RBFOX1: variants seen among roughly 807,000 people sequenced by gnomAD.
The protein encoded by RBFOX1 is RNA binding protein fox-1 homolog 1.
RBFOX1 carries 8 observed loss-of-function variants against 57.7 expected under a neutral mutation model. That is an observed-to-expected ratio of 0.14 (90% CI 0.08 to 0.25). The LOEUF (loss-of-function observed/expected upper bound fraction) is 0.25, where lower values mean the gene tolerates loss of function less well. Ranked by LOEUF, RBFOX1 falls within the 10% of genes least tolerant of loss-of-function variation. RBFOX1 has a pLI of 1.00. For missense variants in RBFOX1, 611 were observed against 548.5 expected, an observed-to-expected ratio of 1.11 and a Z score of -1.14; for synonymous variants, 326 against 222.4, an observed-to-expected ratio of 1.47 and a Z score of -4.15.
At chr16:7,446,883 G>A (rs1391412965) in intron 4 of RBFOX1, among the ~76,000 whole-genome samples, 1 of 127,750 alleles carries the variant, frequency 7.8e-6, no homozygotes, top group Non-Finnish European at 1.6e-5. Flanking sequence ...TGTGATCTCG[G>A]CTCACTGCAA....
At chr16:6,872,267 T>G (rs765613946) in intron 3 of RBFOX1, among the ~76,000 whole-genome samples, 1 of 152,170 alleles carries the variant, frequency 6.6e-6, no homozygotes, top group Non-Finnish European at 1.5e-5. Context: ...ATAAAACACA[T>G]CTATCCAGTT....
At chr16:6,074,512 C>T (rs1262523898) in intron 1 of RBFOX1, among the ~76,000 whole-genome samples, 11 of 152,082 alleles carry the variant, frequency 7.2e-5, no homozygotes, top group Non-Finnish European at 4.4e-5. Flanking sequence ...GTGAAGGAAC[C>T]AAATATCTAT....
At chr16:6,379,216 G>A (rs1314959687) in intron 2 of RBFOX1, among the ~76,000 whole-genome samples, 2 of 152,128 alleles carry the variant, frequency 1.3e-5, no homozygotes, top group East Asian at 3.9e-4. Flanking sequence ...GCTGAGATTT[G>A]CAGGTCTGCA....
intron 3 of RBFOX1, chr16:6,704,260 C>A (rs899491317): frequency 6.6e-6 from 1 of 152,216 alleles, no homozygotes; most frequent in African/African-American, 2.4e-5. Context: ...GCAAATTGAA[C>A]AGCCAGTCCC....
chr16:6,212,013 C>T (rs185214403), intron 1 of RBFOX1, among the ~76,000 whole-genome samples: 29 of 152,054 alleles, frequency 1.9e-4, no homozygotes, highest in Admixed American at 1.8e-3. Context: ...CCATGCCTGG[C>T]TAAGTTTTTG....
chr16:7,688,510 T>G (rs1302758664), intron 14 of RBFOX1, among the ~76,000 whole-genome samples: 2 of 152,070 alleles, frequency 1.3e-5, no homozygotes, highest in African/African-American at 2.4e-5. Flanking sequence ...TAGCATCTCA[T>G]GTCCCCTCCA....
chr16:5,507,775 A>G (rs1461847389), intron 2 of RBFOX1, among the ~76,000 whole-genome samples: 2 of 152,196 alleles, frequency 1.3e-5, no homozygotes, highest in South Asian at 2.1e-4. Flanking sequence ...CAGAGGTGGG[A>G]GAGGTGCAGC....
Position 5,676,200 on chromosome 16 carries a change from A to G in RBFOX1, c.318+77239A>G, listed in dbSNP as rs114992663. Among the ~76,000 whole-genome samples, 1,273 of 152,158 alleles carry G rather than the reference A, an allele frequency of 8.4e-3. 14 individuals are homozygous for G. Among genetic ancestry groups the G allele is most frequent in the African/African-American group, 0.028 (1,178 of 41,504 alleles). ...TGTAGCAAACCACCATGGCACATGT[A>G]TACCTATGCGACAAACCTGCACGTT... On this transcript the variant is annotated intron_variant, in intron 3 of 19. Transcript: ENST00000641259.
At chr16:6,177,768 C>T (rs986163777) in intron 1 of RBFOX1, among the ~76,000 whole-genome samples, 2 of 152,148 alleles carry the variant, frequency 1.3e-5, no homozygotes, top group Admixed American at 6.6e-5. Flanking sequence ...AGCACGCAGT[C>T]GGTTAAGGAG....
At chr16:6,977,791 G>C (rs895738310) in intron 3 of RBFOX1, among the ~76,000 whole-genome samples, 1 of 152,004 alleles carries the variant, frequency 6.6e-6, no homozygotes, top group Admixed American at 6.5e-5. Context: ...ATCTTATCCC[G>C]TAGTCAGTGT....
At chr16:5,700,543 G>A (rs552567467) in intron 3 of RBFOX1, among the ~76,000 whole-genome samples, 1 of 152,088 alleles carries the variant, frequency 6.6e-6, no homozygotes, top group Non-Finnish European at 1.5e-5. Flanking sequence ...AATTCTTTTG[G>A]TTATGCAGTT....
At chr16:6,679,135 A>T (rs1251278435) in intron 3 of RBFOX1, among the ~76,000 whole-genome samples, 1 of 152,134 alleles carries the variant, frequency 6.6e-6, no homozygotes. Context: ...CCAGAATTTC[A>T]CAACTGAGGA....
chr16:6,765,494 C>G (rs796656499), intron 3 of RBFOX1, among the ~76,000 whole-genome samples: 4 of 151,946 alleles, frequency 2.6e-5, no homozygotes, highest in African/African-American at 9.6e-5. Context: ...GTTTATATAA[C>G]AAACCTGCAC....
At position 5,946,951 on chromosome 16, in the gene RBFOX1, G is replaced by C. The variant is rs13336140; in HGVS notation, c.351+79616G>C. On this transcript the variant is annotated intron_variant, in intron 4 of 19. Transcript: ENST00000641259. The surrounding 1 kb of genome is among the most constrained non-coding windows in gnomAD (Gnocchi z 4.6). The stretch of plus-strand genomic sequence containing the variant: ...AGAAAGGCCAGAGCAGTGGCTCACA[G>C]CCGTAATCCTAGCACTTAGGGAGGC... Among the ~76,000 whole-genome samples the C allele has an allele frequency of 0.2, 30,866 of 152,072 alleles. 4,849 individuals carry two copies. Among genetic ancestry groups the C allele is most frequent in the East Asian group, 0.85 (4,377 of 5,166 alleles).
At chr16:6,557,038 T>TATATAC (rs1555548812) in intron 2 of RBFOX1, among the ~76,000 whole-genome samples, 3 of 129,562 alleles carry the variant, frequency 2.3e-5, no homozygotes, top group African/African-American at 1.1e-4. Context: ...TATATACACA[T>TATATAC]ATATATACAT....
intron 3 of RBFOX1, among the ~76,000 whole-genome samples, chr16:5,672,804 T>C (rs1005909745): frequency 1.3e-5 from 2 of 152,170 alleles, no homozygotes; most frequent in Admixed American, 1.3e-4. Context: ...CTGATGGTCC[T>C]ACCTAGACCA....
At chr16:6,254,399 A>G (rs2097647544) in intron 1 of RBFOX1, among the ~76,000 whole-genome samples, 1 of 152,216 alleles carries the variant, frequency 6.6e-6, no homozygotes, top group Non-Finnish European at 1.5e-5. Context: ...ATTGGAAATA[A>G]GAGCTTTCTG....
At chr16:6,844,742 G>C (rs986524796) in intron 3 of RBFOX1, among the ~76,000 whole-genome samples, 11 of 152,126 alleles carry the variant, frequency 7.2e-5, no homozygotes, top group Non-Finnish European at 1.5e-4. Flanking sequence ...TCTGCATCTA[G>C]GTCTTTGAGG....
intron 2 of RBFOX1, among the ~76,000 whole-genome samples, chr16:6,592,864 C>G (rs557021857): frequency 6.6e-6 from 1 of 152,204 alleles, no homozygotes; most frequent in African/African-American, 2.4e-5. Flanking sequence ...GTTTTTTTCT[C>G]AGGGGTTTCT....
Sources: gnomAD v4.1 joint callset for allele counts (sites outside exome capture counted in the v4.1 genomes callset) on GRCh38, gnomAD v4.1.1 for gene constraint, Gnocchi (gnomAD v3.1) non-coding constraint, MANE v1.5 for transcripts, NCBI Gene and HGNC (gene_info 2026-07-23, HGNC 2026-07-21) for gene names.